The following PCLO variants were observed in gnomAD, a reference collection of about 807,000 sequenced individuals.
PCLO encodes the protein piccolo presynaptic cytomatrix protein, also known as protein piccolo.
Under a neutral mutation model 427.5 loss-of-function variants are expected in PCLO, and 82 were observed. The observed-to-expected ratio is 0.19, with a 90% CI of 0.16 to 0.23. PCLO has a LOEUF of 0.23. PCLO is among the 10% of genes least tolerant of loss of function. The pLI, the probability that PCLO is intolerant of heterozygous loss-of-function variation, is 1.00. For synonymous variants in PCLO, 2,357 were observed against 2,155.4 expected (o/e 1.09, Z -2.59); for missense variants, 6,239 against 6,115.9 (o/e 1.02, Z -0.67).
intron 10 of PCLO, among the ~76,000 whole-genome samples, chr7:82,873,396 A>G (rs1301974307): frequency 6.6e-6 from 1 of 152,062 alleles, no homozygotes; most frequent in Non-Finnish European, 1.5e-5. Flanking sequence ...AGAAAAAAGT[A>G]GGAATAAGCT....
Position 82,955,929 on chromosome 7 carries a change from G to C in PCLO, c.5024C>G (p.Thr1675Arg), listed in dbSNP as rs1476787476. 6.2e-7 allele frequency: 1 copy of C among 1,613,812 alleles called. No homozygotes were observed. Among genetic ancestry groups the C allele is most frequent in the Non-Finnish European group, 8.5e-7 (1 of 1,179,846 alleles). Residue 1675 changes from threonine (T) to arginine (R), a missense_variant, in exon 5 of 25, where the codon ACA (threonine) becomes AGA (arginine). By Grantham distance (71) the Thr-to-Arg change is moderately conservative. Transcript: ENST00000333891. The part of the protein sequence containing the change: ...RRFKTIELNS[T>R]IADKYSAESS... Reference sequence around the variant, plus strand: ...CTCTGCAGAATATTTATCTGCTATTGTACTGTTGAGCTCAATTGTTTTAAA... The same window carrying C: ...CTCTGCAGAATATTTATCTGCTATTCTACTGTTGAGCTCAATTGTTTTAAA...
At chr7:82,811,559 T>C (rs1791571798) in intron 20 of PCLO, among the ~76,000 whole-genome samples, 2 of 151,654 alleles carry the variant, frequency 1.3e-5, no homozygotes, top group South Asian at 4.1e-4. Flanking sequence ...TCCCTTGAAT[T>C]ATGTACAATC....
chr7:83,024,552 C>T (rs2116083687), intron 3 of PCLO, among the ~76,000 whole-genome samples: 1 of 152,278 alleles, frequency 6.6e-6, no homozygotes, highest in South Asian at 2.1e-4. Context: ...ATTGCCCAGG[C>T]TTGATTAGGT....
At chr7:82,971,691 C>G (rs1040761733) in intron 3 of PCLO, among the ~76,000 whole-genome samples, 2 of 147,256 alleles carry the variant, frequency 1.4e-5, no homozygotes. Flanking sequence ...TTGTTTATTA[C>G]TTTTAATGGA....
Position 83,155,305 on chromosome 7 carries a change from G to A in PCLO, c.1336C>T (p.Pro446Ser). 1 of 1,613,938 alleles carries A rather than the reference G, an allele frequency of 6.2e-7. No individual in the cohort carries two copies. Among genetic ancestry groups the A allele is most frequent in the Non-Finnish European group, 8.5e-7 (1 of 1,179,872 alleles). The change falls in exon 2 of 25, where the codon CCA (proline) becomes TCA (serine). Residue 446 changes from proline (P) to serine (S), a missense_variant. By Grantham distance (74) the Pro-to-Ser change is moderately conservative (BLOSUM62 -1). This residue lies in a region of PCLO where 4,677 missense variants were observed against 4,468.4 expected (regional missense o/e 1.05). Coordinates refer to ENST00000333891, the MANE Select transcript of PCLO (RefSeq NM_033026.6). Reference sequence around the variant, plus strand: ...GCCTGTTGAGCTGGAATCTTTCCTGGCCCAGGCTGCTGAACTGGAGTCTTT... The same window carrying A: ...GCCTGTTGAGCTGGAATCTTTCCTGACCCAGGCTGCTGAACTGGAGTCTTT... ...PTKTPVQQPG[P>S]GKIPAQQAGP...
chr7:82,826,253 C>T (rs1791941666), intron 18 of PCLO, among the ~76,000 whole-genome samples: 1 of 151,782 alleles, frequency 6.6e-6, no homozygotes, highest in Non-Finnish European at 1.5e-5. Context: ...ATTAAAGAAC[C>T]TGTAAATGCA....
At chr7:83,035,318 T>G (rs1204266699) in intron 3 of PCLO, among the ~76,000 whole-genome samples, 1 of 152,206 alleles carries the variant, frequency 6.6e-6, no homozygotes, top group African/African-American at 2.4e-5. Context: ...GTTGTATCTT[T>G]TATTAACTTT....
At chr7:82,898,620 T>G (rs1793964116) in intron 9 of PCLO, among the ~76,000 whole-genome samples, 1 of 151,420 alleles carries the variant, frequency 6.6e-6, no homozygotes, top group Non-Finnish European at 1.5e-5. Flanking sequence ...TATTCTTCAC[T>G]ACTTCCTTGC....
chr7:82,843,457 CA>C (rs1310756600), intron 13 of PCLO, among the ~76,000 whole-genome samples: 1 of 151,940 alleles, frequency 6.6e-6, no homozygotes, highest in Non-Finnish European at 1.5e-5. Context: ...AGAAGGAAGT[CA>C]AAAGCTCTGT....
At chr7:83,056,256 T>C (rs997011573) in intron 3 of PCLO, among the ~76,000 whole-genome samples, 12 of 152,130 alleles carry the variant, frequency 7.9e-5, no homozygotes, top group Admixed American at 3.3e-4. Flanking sequence ...ACAATAAAAT[T>C]GGAGATTCAC....
At chr7:82,948,383 T>C (rs922795423) in intron 6 of PCLO, among the ~76,000 whole-genome samples, 2 of 152,136 alleles carry the variant, frequency 1.3e-5, no homozygotes, top group South Asian at 2.1e-4. Context: ...TTGATGTCTA[T>C]ATACCTACAA....
At chr7:82,782,298 G>A (rs1790889650) in intron 22 of PCLO, among the ~76,000 whole-genome samples, 1 of 152,058 alleles carries the variant, frequency 6.6e-6, no homozygotes, top group African/African-American at 2.4e-5. Flanking sequence ...TGCTTGTTGT[G>A]GTGTGAGAAT....
Position 82,883,527 on chromosome 7 carries a change from TATTTAAAAAAA to T in PCLO, c.13529-4076_13529-4066del, listed in dbSNP as rs543072752. The stretch of plus-strand genomic sequence containing the variant: ...CACTATTTATCCAATTATTGGTCAG[TATTTAAAAAAA>T]AATTCCTATAAACACAACAATGTAC... On this transcript the variant is annotated intron_variant, in intron 9 of 24. Transcript: ENST00000333891. Among the ~76,000 whole-genome samples, 1,020 of 152,204 alleles carry T rather than the reference TATTTAAAAAAA, an allele frequency of 6.7e-3. 8 individuals are homozygous for T. Among genetic ancestry groups the T allele is most frequent in the African/African-American group, 0.023 (975 of 41,552 alleles).
chr7:82,794,725 C>T (rs967023955), intron 22 of PCLO, among the ~76,000 whole-genome samples: 3 of 151,622 alleles, frequency 2.0e-5, no homozygotes, highest in Non-Finnish European at 4.4e-5. Context: ...CTGTTCTCCT[C>T]GGTCTCCCAA....
rs548586700 is a variant in PCLO at position 83,135,748 on chromosome 7, T to C, written c.1894-92A>G. On this transcript the variant is annotated intron_variant, in intron 2 of 24. Coordinates refer to ENST00000333891, the MANE Select transcript of PCLO (RefSeq NM_033026.6). ...ATGCATACTGCCATTTGAAACTATGTCTCTCATCATTCAAAGCAGAAAATA... is the reference window on the plus strand; with the variant it reads ...ATGCATACTGCCATTTGAAACTATGCCTCTCATCATTCAAAGCAGAAAATA... 1.0e-5 allele frequency: 7 copies of C among 703,238 alleles called. No homozygotes were observed. The African/African-American group carries it at 1.3e-4, about 13-fold the overall frequency. The allele number at this position is 703,238 out of a possible 1,614,324, so 43.6% of individuals were successfully genotyped here. A position where few individuals can be genotyped will look rare whatever the true frequency, so the allele number is the denominator to read the frequency against.
rs566176760 is a variant in PCLO at position 82,864,415 on chromosome 7, G to A, written c.13654+14922C>T. ...TCAGAGTGGGGCTGGTGGGTGTATA[G>A]ATGGGAGGTGAGAATGGATAAAGAT... On this transcript the variant is annotated intron_variant, in intron 10 of 24. Coordinates refer to ENST00000333891, the MANE Select transcript of PCLO (RefSeq NM_033026.6). 7.2e-5 allele frequency among the ~76,000 whole-genome samples: 11 copies of A among 152,278 alleles called. No individual in the cohort carries two copies. In the South Asian group the frequency reaches 2.1e-3, roughly 29 times the overall value.
intron 3 of PCLO, among the ~76,000 whole-genome samples, chr7:83,072,734 C>A (rs537709729): frequency 2.0e-5 from 3 of 152,162 alleles, no homozygotes; most frequent in South Asian, 4.1e-4. Flanking sequence ...GCCAAAGCTT[C>A]CAGTATTCCT....
intron 3 of PCLO, among the ~76,000 whole-genome samples, chr7:83,096,675 A>G (rs1790546451): frequency 9.0e-6 from 1 of 111,096 alleles, no homozygotes; most frequent in African/African-American, 3.5e-5. Context: ...TTTTGTCAAT[A>G]TTTTTTAAAC....
chr7:82,802,209 G>T (rs1373852141), intron 21 of PCLO, among the ~76,000 whole-genome samples: 2 of 150,268 alleles, frequency 1.3e-5, no homozygotes, highest in African/African-American at 4.9e-5. Flanking sequence ...GGTCAAGACT[G>T]TTTCTCCTTT....
Sources: allele counts gnomAD v4.1 joint callset (sites outside exome capture counted in the v4.1 genomes callset), GRCh38; gene constraint gnomAD v4.1.1; regional missense constraint gnomAD v4.1.1; transcripts MANE v1.5; gene names NCBI Gene and HGNC (gene_info 2026-07-23, HGNC 2026-07-21).